The following KLHL10 variants were observed in gnomAD, a reference collection of about 807,000 sequenced individuals.
KLHL10 encodes the protein kelch like family member 10.
In KLHL10, 11 loss-of-function variants were observed where a neutral mutation model predicts 46.6. That is an observed-to-expected ratio of 0.24 (90% confidence interval 0.15 to 0.39). KLHL10 has a LOEUF of 0.39. KLHL10 is among the 10% of genes least tolerant of loss of function. KLHL10 has a pLI of 1.00. For missense variants in KLHL10, 475 were observed against 789.8 expected, an observed-to-expected ratio of 0.60 and a Z score of 4.78; for synonymous variants, 254 against 279.1, an observed-to-expected ratio of 0.91 and a Z score of 0.90.
At chr17:41,846,476 G>A (rs147721921) in intron 3 of KLHL10, among the ~76,000 whole-genome samples, 38 of 151,778 alleles carry the variant, frequency 2.5e-4, no homozygotes, top group African/African-American at 8.2e-4. Flanking sequence ...GGCAGAGGTT[G>A]CAGTGCTCCA....
At position 41,837,945 on chromosome 17, in the gene KLHL10, A is replaced by C. The variant is rs1555620338; in HGVS notation, c.13A>C (p.Ser5Arg). The C allele has an allele frequency of 6.2e-7, 1 of 1,613,788 alleles. No individual in the cohort carries two copies. Among genetic ancestry groups the C allele is most frequent in the South Asian group, 1.1e-5 (1 of 91,068 alleles). Residue 5 changes from serine to arginine, a missense_variant, in exon 1 of 5, where the codon AGC becomes CGC. Coordinates refer to ENST00000293303, the MANE Select transcript of KLHL10 (RefSeq NM_152467.5). MEME[S>R]AAASTRFHQP... ...GTCCCAGGGTGCCATGGAGATGGAG[A>C]GCGCGGCGGCCTCCACACGTTTCCA...
Position 41,837,858 on chromosome 17 carries a change from G to C in KLHL10, c.-75G>C, listed in dbSNP as rs1398282288. The C allele has an allele frequency of 1.2e-6, 2 of 1,604,364 alleles. No homozygotes were observed. The highest frequency in any genetic ancestry group is 1.7e-6 in the Non-Finnish European group (2 of 1,178,356). ...GATGTAGTAGGGAAAAGGAGCGACA[G>C]CTGGCTAAAGGGGCCCCCCACAACC... On this transcript the variant is annotated 5_prime_UTR_variant, in exon 1 of 5. Transcript: ENST00000293303.
At chr17:41,847,616 C>T (rs892608270) in intron 4 of KLHL10, among the ~76,000 whole-genome samples, 14 of 152,220 alleles carry the variant, frequency 9.2e-5, no homozygotes, top group Admixed American at 8.5e-4. Flanking sequence ...TGCCATTCTC[C>T]TGCCTCAGCC....
At chr17:41,837,824 T>A (rs2048181723), upstream of KLHL10, 1 of 1,577,746 alleles carries the variant, frequency 6.3e-7, no homozygotes. Flanking sequence ...TGATAGACCC[T>A]ATACAAAAGA....
chr17:41,844,079 G>C (rs558094164), intron 2 of KLHL10, among the ~76,000 whole-genome samples: 1 of 149,956 alleles, frequency 6.7e-6, no homozygotes, highest in Non-Finnish European at 1.5e-5. Flanking sequence ...TATTTATTTT[G>C]AGACAAGTCT....
chr17:41,841,805 T>C lies in KLHL10; in HGVS notation c.195-18T>C. On this transcript the variant is annotated intron_variant, in intron 1 of 4. Transcript: ENST00000293303. ...AGAGAAATGTTTCCGTGGCTGCTAG[T>C]TTCTTTCTTTTTTCCAGAGCTTTGT... The C allele has an allele frequency of 6.2e-7, 1 of 1,614,186 alleles. No individual in the cohort carries two copies. The highest frequency in any genetic ancestry group is 1.1e-5 in the South Asian group (1 of 91,070).
upstream of KLHL10, chr17:41,836,238 C>T: frequency 8.9e-6 from 11 of 1,231,626 alleles, no homozygotes; most frequent in Non-Finnish European, 1.1e-5. Flanking sequence ...ACGACAGCCC[C>T]GCGACCGCAC....
intron 2 of KLHL10, among the ~76,000 whole-genome samples, chr17:41,842,624 C>A (rs1555620873): frequency 6.6e-6 from 1 of 152,058 alleles, no homozygotes; most frequent in Non-Finnish European, 1.5e-5. Flanking sequence ...CCAGCCTGGG[C>A]AACATAGGTT....
chr17:41,836,195 C>T (rs917329237), upstream of KLHL10: 51 of 1,250,430 alleles, frequency 4.1e-5, no homozygotes, highest in Non-Finnish European at 4.9e-5. Flanking sequence ...CTCTGCCATC[C>T]CGTTCGAGGC....
intron 1 of KLHL10, among the ~76,000 whole-genome samples, chr17:41,838,499 C>T (rs1555620431): frequency 1.3e-5 from 2 of 151,810 alleles, no homozygotes; most frequent in South Asian, 2.1e-4. Flanking sequence ...TGGCCCAAAG[C>T]GATCCTCCTG....
upstream of KLHL10, chr17:41,835,744 C>A (rs1213513781): frequency 5.4e-6 from 6 of 1,101,058 alleles, no homozygotes; most frequent in Middle Eastern, 2.0e-4. Context: ...CCGGCCATTT[C>A]TTGGGGCAGA....
chr17:41,847,272 T>C lies in KLHL10; in HGVS notation c.1314T>C (p.Cys438=). The C allele has an allele frequency of 6.2e-7, 1 of 1,614,036 alleles. No homozygotes were observed. Among genetic ancestry groups the C allele is most frequent in the Non-Finnish European group, 8.5e-7 (1 of 1,179,942 alleles). ...ATTLYGKVYI[C]GGFNGNECLF... is the part of the protein sequence containing the mutation. ...AACTCTTCACACAGGTCTACATATG[T>C]GGTGGGTTTAATGGAAACGAGTGCC... is the stretch of plus-strand genomic sequence containing the variant. The change falls in exon 4 of 5, where the codon TGT becomes TGC. Residue 438 remains cysteine (C), a synonymous_variant. Transcript: ENST00000293303.
At chr17:41,837,321 C>G (rs1276916637), upstream of KLHL10, among the ~76,000 whole-genome samples, 1 of 152,208 alleles carries the variant, frequency 6.6e-6, no homozygotes, top group South Asian at 2.1e-4. Context: ...TGTGCCACCA[C>G]GCCCAGCTAA....
intron 1 of KLHL10, among the ~76,000 whole-genome samples, chr17:41,838,657 T>C (rs1241254974): frequency 9.8e-5 from 1 of 10,202 alleles, no homozygotes; most frequent in Non-Finnish European, 2.4e-4. Flanking sequence ...TTTGTTTTGT[T>C]TTTTTTTTTC....
At chr17:41,835,907 C>T (rs1555619878), upstream of KLHL10, 3 of 1,608,372 alleles carry the variant, frequency 1.9e-6, no homozygotes, top group East Asian at 2.2e-5. Flanking sequence ...CGATCTCCTG[C>T]ACCCGCCCAG....
chr17:41,844,239 CT>C (rs1329821874), intron 2 of KLHL10, among the ~76,000 whole-genome samples: 1 of 133,742 alleles, frequency 7.5e-6, no homozygotes. Flanking sequence ...TTTTTTTTTT[CT>C]TTTTTTTTGA....
rs782540708 is a variant in KLHL10, at chr17:41,847,434, C to T, written c.1452+24C>T. 2.5e-6 allele frequency: 4 copies of T among 1,612,906 alleles called. No individual in the cohort carries two copies. The South Asian group carries it at 4.4e-5, about 18-fold the overall frequency. On this transcript the variant is annotated intron_variant, in intron 4 of 4. Coordinates refer to ENST00000293303, the MANE Select transcript of KLHL10 (RefSeq NM_152467.5). ...CGGTAAGTTTATCTAGTACCACACA[C>T]ACACAAAAAACACATTACCCCTAGA...
chr17:41,836,211 C>G, upstream of KLHL10: 1 of 1,234,354 alleles, frequency 8.1e-7, no homozygotes, highest in Non-Finnish European at 1.0e-6. Flanking sequence ...GAGGCCTGGT[C>G]GGCGGCTCGC....
In KLHL10 at chr17:41,841,620, C is replaced by T. The variant is rs548897231; in HGVS notation, c.195-203C>T. 7.2e-5 allele frequency among the ~76,000 whole-genome samples: 11 copies of T among 152,198 alleles called. No homozygotes were observed. In the South Asian group the frequency reaches 2.3e-3, roughly 32 times the overall value. ...GAGCCACCACGCCTGGCCCAAGAGACCTGGGTCTTACTCTCAGTTCTAGAT... is the reference window on the plus strand; with the variant it reads ...GAGCCACCACGCCTGGCCCAAGAGATCTGGGTCTTACTCTCAGTTCTAGAT... On this transcript the variant is annotated intron_variant, in intron 1 of 4. Coordinates refer to ENST00000293303, the MANE Select transcript of KLHL10 (RefSeq NM_152467.5).
Sources: gnomAD v4.1 joint callset for allele counts (sites outside exome capture counted in the v4.1 genomes callset) on GRCh38, gnomAD v4.1.1 for gene constraint, MANE v1.5 for transcripts, NCBI Gene and HGNC (gene_info 2026-07-23, HGNC 2026-07-21) for gene names.